KIDINS220: variants seen among roughly 807,000 people sequenced by gnomAD.
KIDINS220 encodes the protein kinase D-interacting substrate of 220 kDa.
Under a neutral mutation model 157.6 loss-of-function variants are expected in KIDINS220, and 63 were observed. The observed-to-expected ratio is 0.40, with a 90% confidence interval of 0.33 to 0.49. KIDINS220 has a LOEUF of 0.49. KIDINS220 is among the 20% of genes least tolerant of loss of function. KIDINS220 has a pLI of 0.66. For synonymous variants in KIDINS220, 732 were observed against 783.6 expected, an observed-to-expected ratio of 0.93 and a Z score of 1.10; for missense variants, 1,772 against 2,171.2, an observed-to-expected ratio of 0.82 and a Z score of 3.65.
chr2:8,804,229 T>G (rs773297932), intron 7 of KIDINS220, among the ~76,000 whole-genome samples: 5 of 152,242 alleles, frequency 3.3e-5, no homozygotes, highest in Non-Finnish European at 7.3e-5. Flanking sequence ...AACTGGTTGA[T>G]AGTGTGCCAA....
intron 11 of KIDINS220, 72 bp from the exon 12 acceptor site, chr2:8,794,059 T>C (rs761512072): frequency 1.0e-4 from 122 of 1,181,646 alleles, no homozygotes; most frequent in Non-Finnish European, 1.4e-4. Context: ...ACAATTTTCA[T>C]GTTTCTGTAA....
Position 8,827,041 on chromosome 2 carries a change from A to C in KIDINS220, c.53T>G (p.Ile18Ser). The C allele has an allele frequency of 6.2e-7, 1 of 1,610,542 alleles. No homozygotes were observed. The highest frequency in any genetic ancestry group is 8.5e-7 in the Non-Finnish European group (1 of 1,177,664). ...TTCAAGAAGAGCTTTCAGAGCAGGA[A>C]TGTTTTCTTCCTCTACATAATTTAT... ...SVINYVEEEN[I>S]PALKALLEKC... Residue 18 changes from isoleucine (I) to serine (S), a missense_variant, in exon 2 of 30, where the codon ATT becomes AGT. This residue lies in a region of KIDINS220 where 254 missense variants were observed against 268.6 expected (regional missense o/e 0.95). Transcript: ENST00000256707.
chr2:8,765,342 T>C (rs1000990280), intron 22 of KIDINS220, among the ~76,000 whole-genome samples: 7 of 152,164 alleles, frequency 4.6e-5, no homozygotes, highest in South Asian at 2.1e-4. Context: ...CATGATATCT[T>C]TCCTACACCT....
In KIDINS220 at chr2:8,793,926, A is replaced by G. The variant is rs1403219432; in HGVS notation, c.1160T>C (p.Leu387Pro). 1 of 1,613,992 alleles carries G rather than the reference A, an allele frequency of 6.2e-7. No homozygotes were observed. Among genetic ancestry groups the G allele is most frequent in the African/African-American group, 1.3e-5 (1 of 74,938 alleles). Residue 387 changes from leucine (L) to proline (P), a missense_variant, in exon 12 of 30, where the codon CTT becomes CCT. Leu to Pro is a moderately conservative substitution (Grantham distance 98, BLOSUM62 -3). Coordinates refer to ENST00000256707, the MANE Select transcript of KIDINS220 (RefSeq NM_020738.4). ...RGRSRKLAEL[L>P]LRNPKDGRLL... Reference sequence around the variant, plus strand: ...TCGCCCATCTTTGGGATTTCTTAAAAGCAGTTCTGCCAGTTTCCGGCTCCT... The same window carrying G: ...TCGCCCATCTTTGGGATTTCTTAAAGGCAGTTCTGCCAGTTTCCGGCTCCT...
chr2:8,836,782 TA>T lies in KIDINS220; in HGVS notation c.-37+697del, dbSNP rs1680474830. 2.6e-5 allele frequency among the ~76,000 whole-genome samples: 4 copies of T among 152,332 alleles called. No homozygotes were observed. The South Asian group carries it at 6.2e-4, about 24-fold the overall frequency. The stretch of plus-strand genomic sequence containing the variant: ...CTCAGGCCGAAGGAATGGGAATCTC[TA>T]AAACGCTAAGAAATCTACATTTTTA... On this transcript the variant is annotated intron_variant, in intron 1 of 29. Transcript: ENST00000256707.
At chr2:8,796,407 A>G (rs1673928809) in intron 11 of KIDINS220, among the ~76,000 whole-genome samples, 2 of 152,160 alleles carry the variant, frequency 1.3e-5, no homozygotes, top group Admixed American at 6.5e-5. Context: ...GTCAGTGAAC[A>G]TTAACACCGT....
At chr2:8,790,127 T>C (rs1392622766) in intron 13 of KIDINS220, 68 bp from the exon 14 acceptor site, 2 of 1,414,186 alleles carry the variant, frequency 1.4e-6, no homozygotes, top group Non-Finnish European at 1.9e-6. Flanking sequence ...TAACTCAATA[T>C]GCAGTTTTCA....
At chr2:8,832,829 C>T (rs543312611) in intron 1 of KIDINS220, among the ~76,000 whole-genome samples, 15 of 152,136 alleles carry the variant, frequency 9.9e-5, no homozygotes, top group Non-Finnish European at 1.9e-4. Flanking sequence ...GCCAGACTAC[C>T]TTGGTTTGAC....
At chr2:8,754,998 T>G (rs1272474434) in intron 22 of KIDINS220, among the ~76,000 whole-genome samples, 1 of 152,226 alleles carries the variant, frequency 6.6e-6, no homozygotes, top group East Asian at 1.9e-4. Context: ...TTTCTACCAG[T>G]GAATGTCCAT....
intron 13 of KIDINS220, 122 bp from the exon 14 acceptor site, chr2:8,790,181 G>T: frequency 1.2e-6 from 1 of 821,252 alleles, no homozygotes; most frequent in Non-Finnish European, 1.9e-6. Context: ...TAGGTCCCTA[G>T]ATGGAATACT....
intron 22 of KIDINS220, among the ~76,000 whole-genome samples, chr2:8,758,901 T>C (rs1668391241): frequency 1.3e-5 from 2 of 152,146 alleles, no homozygotes; most frequent in South Asian, 2.1e-4. Flanking sequence ...GCTGAAGCTG[T>C]CCACATGCAG....
intron 26 of KIDINS220, among the ~76,000 whole-genome samples, chr2:8,741,820 T>C (rs532716774): frequency 6.6e-6 from 1 of 152,362 alleles, no homozygotes; most frequent in African/African-American, 2.4e-5. Flanking sequence ...TTTTTCACTA[T>C]ACTTTAATAA....
At chr2:8,800,230 A>G in intron 9 of KIDINS220, 170 bp downstream of exon 9, 1 of 494,038 alleles carries the variant, frequency 2.0e-6, no homozygotes, top group Non-Finnish European at 3.5e-6. Flanking sequence ...ACATTAATAT[A>G]GAAATTTTAC....
At chr2:8,805,328 C>T (rs948239462) in intron 7 of KIDINS220, among the ~76,000 whole-genome samples, 1 of 152,094 alleles carries the variant, frequency 6.6e-6, no homozygotes, top group Non-Finnish European at 1.5e-5. Context: ...ATCTTTAGCT[C>T]CTCTCCCCTC....
intron 20 of KIDINS220, 40 bp from the exon 21 acceptor site, chr2:8,776,932 C>G (rs1400129728): frequency 6.3e-7 from 1 of 1,597,910 alleles, no homozygotes. Context: ...ACCCACGCGT[C>G]CAGTCTAAGA....
chr2:8,740,430 T>A (rs913915721), intron 26 of KIDINS220, among the ~76,000 whole-genome samples: 5 of 152,116 alleles, frequency 3.3e-5, no homozygotes, highest in African/African-American at 4.8e-5. Context: ...CTAAAAAAAA[T>A]TATATTTTTT....
intron 4 of KIDINS220, among the ~76,000 whole-genome samples, chr2:8,815,140 C>T (rs1676876009): frequency 6.6e-6 from 1 of 152,170 alleles, no homozygotes; most frequent in African/African-American, 2.4e-5. Context: ...GTGGCTCATG[C>T]CTGTAATGCC....
rs2147975473 is a variant in KIDINS220 at position 8,736,903 on chromosome 2, T to C, written c.3682A>G (p.Ser1228Gly). The C allele has an allele frequency of 6.2e-7, 1 of 1,614,244 alleles. No individual in the cohort carries two copies. The highest frequency in any genetic ancestry group is 2.2e-5 in the East Asian group (1 of 44,882). The change falls in exon 27 of 30, where the codon AGT (serine) becomes GGT (glycine). Residue 1228 changes from serine to glycine, a missense_variant. Around this residue, in one of 3 missense-constraint regions of KIDINS220, gnomAD observed 793 missense variants for 885.5 expected, o/e 0.90. Transcript: ENST00000256707. ...KLKQIEGLDQ[S>G]MLPQYCTTIK... ...GTGGTACAATACTGAGGCAGCATAC[T>C]CTGGTCCAGCCCTTCTATTTGTTTC...
chr2:8,827,854 T>C (rs1679043920), intron 1 of KIDINS220, among the ~76,000 whole-genome samples: 1 of 152,166 alleles, frequency 6.6e-6, no homozygotes, highest in Non-Finnish European at 1.5e-5. Flanking sequence ...TTAACATATA[T>C]CAGAATCACC....
Sources: allele counts gnomAD v4.1 joint callset (sites outside exome capture counted in the v4.1 genomes callset), GRCh38; gene constraint gnomAD v4.1.1; regional missense constraint gnomAD v4.1.1; transcripts MANE v1.5; gene names NCBI Gene and HGNC (gene_info 2026-07-23, HGNC 2026-07-21).